The following ZNF512 variants were observed in gnomAD, a reference collection of about 807,000 sequenced individuals.
ZNF512 encodes the protein zinc finger protein 512.
In ZNF512, 25 loss-of-function variants were observed where a neutral mutation model predicts 77.5. The ratio of observed to expected loss-of-function variants is 0.32; its 90% CI spans 0.23 to 0.45. ZNF512 has a LOEUF of 0.45. Among genes scored for constraint, ZNF512 ranks in the 20% least tolerant of loss-of-function variants. The pLI is 1.00. For missense variants in ZNF512, 483 were observed against 692.6 expected (o/e 0.70, Z 3.40); for synonymous variants, 246 against 239.9 (o/e 1.03, Z -0.24).
Position 27,615,182 on chromosome 2 carries a change from T to C in ZNF512, c.1146T>C (p.Arg382=). 6.3e-7 allele frequency: 1 copy of C among 1,599,900 alleles called. No homozygotes were observed. Residue 382 remains arginine (R), a synonymous_variant, in exon 11 of 14, where the codon CGT becomes CGC. Coordinates refer to ENST00000355467, the MANE Select transcript of ZNF512 (RefSeq NM_032434.4). ...TTGTCTTGTAGTTAAAATATACTCGTCCAGGGCTCCCTACCTTCAGCCAGG... is the reference window on the plus strand; with the variant it reads ...TTGTCTTGTAGTTAAAATATACTCGCCCAGGGCTCCCTACCTTCAGCCAGG... ...VPDDRKLKYT[R]PGLPTFSQEV...
In ZNF512 at chr2:27,583,101, G is replaced by T; in HGVS notation, c.-12G>T. 1 of 1,614,158 alleles carries T rather than the reference G, an allele frequency of 6.2e-7. No homozygotes were observed. Among genetic ancestry groups the T allele is most frequent in the South Asian group, 1.1e-5 (1 of 91,080 alleles). On this transcript the variant is annotated 5_prime_UTR_variant, in exon 1 of 14. Coordinates refer to ENST00000355467, the MANE Select transcript of ZNF512 (RefSeq NM_032434.4). ...GCCCTTGGGTGAAATTGTTAGGCGT[G>T]GAGAGGGAGTGATGTCTTCCAGACT...
chr2:27,621,373 C>T lies in ZNF512; in HGVS notation c.1616C>T (p.Ser539Phe), dbSNP rs578018514. 17 of 1,614,038 alleles carry T rather than the reference C, an allele frequency of 1.1e-5. No individual in the cohort carries two copies. The highest frequency in any genetic ancestry group is 4.0e-5 in the African/African-American group (3 of 74,998). The change falls in exon 14 of 14, where the codon TCC (serine) becomes TTC (phenylalanine). Residue 539 changes from serine (S) to phenylalanine (F), a missense_variant. Ser to Phe is a radical substitution (Grantham distance 155). Around this residue, in one of 2 missense-constraint regions of ZNF512, gnomAD observed 324 missense variants for 525.0 expected, o/e 0.62. Transcript: ENST00000355467. Reference sequence around the variant, plus strand: ...AATGAGGAACTGGTAGTGTCAGCCTCCTGTAAGGAACCAGAGCAGGAGCCA... The same window carrying T: ...AATGAGGAACTGGTAGTGTCAGCCTTCTGTAAGGAACCAGAGCAGGAGCCA... ...RNNEELVVSA[S>F]CKEPEQEPVP...
intron 11 of ZNF512, among the ~76,000 whole-genome samples, chr2:27,615,517 G>A (rs920092443): frequency 6.6e-6 from 1 of 152,250 alleles, no homozygotes; most frequent in African/African-American, 2.4e-5. Context: ...GAATGTTCAA[G>A]ATGGTTTCTG....
chr2:27,615,095 G>T, intron 10 of ZNF512, 73 bp from the exon 11 acceptor site: 3 of 835,060 alleles, frequency 3.6e-6, no homozygotes, highest in Non-Finnish European at 2.0e-6. Flanking sequence ...CTAAAGAGTT[G>T]GGTGTGAAAC....
chr2:27,620,073 G>A (rs1415768393), intron 13 of ZNF512, among the ~76,000 whole-genome samples: 1 of 151,966 alleles, frequency 6.6e-6, no homozygotes, highest in African/African-American at 2.4e-5. Context: ...TGTGAGCCAT[G>A]TATATAATTT....
chr2:27,583,305 C>A, intron 1 of ZNF512, 163 bp downstream of exon 1: 2 of 1,288,938 alleles, frequency 1.6e-6, no homozygotes, highest in Non-Finnish European at 2.2e-6. Flanking sequence ...TACCCACGTT[C>A]TGCTGCCTGT....
At position 27,583,090 on chromosome 2, in the gene ZNF512, T is replaced by C. The variant is rs1671182703; in HGVS notation, c.-23T>C. On this transcript the variant is annotated 5_prime_UTR_variant, in exon 1 of 14. Coordinates refer to ENST00000355467, the MANE Select transcript of ZNF512 (RefSeq NM_032434.4). ...GTCTGGCCGGAGCCCTTGGGTGAAA[T>C]TGTTAGGCGTGGAGAGGGAGTGATG... The C allele has an allele frequency of 3.1e-6, 5 of 1,613,918 alleles. No individual in the cohort carries two copies. Among genetic ancestry groups the C allele is most frequent in the Non-Finnish European group, 4.2e-6 (5 of 1,179,976 alleles).
chr2:27,600,844 T>G, intron 6 of ZNF512, 29 bp downstream of exon 6: 1 of 1,599,656 alleles, frequency 6.3e-7, no homozygotes, highest in Admixed American at 1.8e-5. Flanking sequence ...TCATAACTGT[T>G]ACGATATTTT....
intron 2 of ZNF512, among the ~76,000 whole-genome samples, chr2:27,596,087 C>T (rs1369034849): frequency 6.6e-6 from 1 of 152,128 alleles, no homozygotes; most frequent in African/African-American, 2.4e-5. Flanking sequence ...CAGGCCAAAA[C>T]TTCTGTCTTG....
At chr2:27,587,786 ATTC>A (rs563608363) in intron 2 of ZNF512, among the ~76,000 whole-genome samples, 228 of 151,428 alleles carry the variant, frequency 1.5e-3, no homozygotes, top group Non-Finnish European at 2.7e-3. Flanking sequence ...GATTCAAGCT[ATTC>A]TTCTGCTCAC....
chr2:27,599,587 A>C lies in ZNF512; in HGVS notation c.282A>C (p.Ser94=), dbSNP rs11539164. ...KPAATSHVEG[S]GGVSAKGKRK... ...TGTTTTTGTATGGTACTTCAGGGTC[A>C]GGTGGAGTATCAGCCAAGGGGAAAA... The change falls in exon 4 of 14, where the codon TCA becomes TCC. Residue 94 remains serine (S), a synonymous_variant. Coordinates refer to ENST00000355467, the MANE Select transcript of ZNF512 (RefSeq NM_032434.4). 0.014 allele frequency: 22,512 copies of C among 1,613,690 alleles called. 2,735 individuals carry two copies. In the African/African-American group the frequency reaches 0.27, roughly 19 times the overall value.
In ZNF512 at chr2:27,589,973, C is replaced by T. The variant is rs116463916; in HGVS notation, c.89+6257C>T. 9.0e-4 allele frequency among the ~76,000 whole-genome samples: 137 copies of T among 152,226 alleles called. 1 individual carries two copies. Among genetic ancestry groups the T allele is most frequent in the African/African-American group, 2.9e-3 (121 of 41,532 alleles). On this transcript the variant is annotated intron_variant, in intron 2 of 13. Transcript: ENST00000355467. Reference sequence around the variant, plus strand: ...ATAAAAGTTAAAGTTGATGGCCCAGCGTAAGATCTAGCTTAATGAATGCAT... The same window carrying T: ...ATAAAAGTTAAAGTTGATGGCCCAGTGTAAGATCTAGCTTAATGAATGCAT...
At chr2:27,596,237 G>A (rs1193986259) in intron 2 of ZNF512, among the ~76,000 whole-genome samples, 1 of 152,120 alleles carries the variant, frequency 6.6e-6, no homozygotes, top group Non-Finnish European at 1.5e-5. Flanking sequence ...AGTTCTCCAA[G>A]CTTTTGCTGC....
At chr2:27,599,473 C>T in intron 3 of ZNF512, 110 bp from the exon 4 acceptor site, 1 of 799,306 alleles carries the variant, frequency 1.3e-6, no homozygotes, top group Non-Finnish European at 2.1e-6. Flanking sequence ...CCTGTGTTCA[C>T]TGATGATCTT....
intron 2 of ZNF512, among the ~76,000 whole-genome samples, chr2:27,590,985 T>C (rs1270539100): frequency 6.6e-6 from 1 of 152,238 alleles, no homozygotes; most frequent in Non-Finnish European, 1.5e-5. Context: ...GAATATAGAA[T>C]TCTGAGTTGA....
At chr2:27,599,852 C>A in intron 4 of ZNF512, 118 bp from the exon 5 acceptor site, 1 of 1,264,678 alleles carries the variant, frequency 7.9e-7, no homozygotes, top group Non-Finnish European at 1.1e-6. Context: ...TCTGTCCTGA[C>A]TTAGGCAGTC....
rs554284024 is a variant in ZNF512, at chr2:27,621,093, C to CTTTCT, written c.1396-57_1396-53dup. 10 of 1,555,832 alleles carry CTTTCT rather than the reference C, an allele frequency of 6.4e-6. No individual in the cohort carries two copies. In the Admixed American group the frequency reaches 1.9e-4, roughly 30 times the overall value. ...TGCCTTTTTTCCATTCTTCCTCCAC[C>CTTTCT]TTTCTTTATGTTCTTCACTATATTT... On this transcript the variant is annotated intron_variant, in intron 13 of 13. Transcript: ENST00000355467.
chr2:27,598,888 A>G (rs937052403), intron 3 of ZNF512, among the ~76,000 whole-genome samples: 4 of 151,708 alleles, frequency 2.6e-5, no homozygotes, highest in Non-Finnish European at 5.9e-5. Context: ...CTAGAGTGCA[A>G]TGACTCGAGC....
chr2:27,605,921 C>T (rs1328517561), intron 9 of ZNF512, among the ~76,000 whole-genome samples: 3 of 152,196 alleles, frequency 2.0e-5, no homozygotes, highest in Non-Finnish European at 4.4e-5. Context: ...ATTTTGCATT[C>T]CCCCAGCGAA....
Sources: allele counts gnomAD v4.1 joint callset (sites outside exome capture counted in the v4.1 genomes callset), GRCh38; gene constraint gnomAD v4.1.1; regional missense constraint gnomAD v4.1.1; transcripts MANE v1.5; gene names NCBI Gene and HGNC (gene_info 2026-07-23, HGNC 2026-07-21).